Variants in DNAH9 observed in about 807,000 individuals in gnomAD.
The protein encoded by DNAH9 is DNAH9 variant protein.
DNAH9 carries 345 observed loss-of-function variants against 471.6 expected under a neutral mutation model. The ratio of observed to expected loss-of-function variants is 0.73; its 90% CI spans 0.67 to 0.80. The LOEUF (loss-of-function observed/expected upper bound fraction) is 0.80, where lower values mean the gene tolerates loss of function less well. DNAH9 is among the 30% of genes least tolerant of loss of function. DNAH9 has a pLI of 0.00. For missense variants in DNAH9, 5,407 were observed against 5,609.2 expected, an observed-to-expected ratio of 0.96 and a Z score of 1.15; for synonymous variants, 2,093 against 2,123.6, an observed-to-expected ratio of 0.99 and a Z score of 0.40.
intron 22 of DNAH9, among the ~76,000 whole-genome samples, chr17:11,699,066 T>C (rs1211190042): frequency 1.3e-5 from 2 of 151,940 alleles, no homozygotes; most frequent in East Asian, 3.9e-4. Context: ...CTGACTAACA[T>C]GGTGAAACCG....
intron 67 of DNAH9, among the ~76,000 whole-genome samples, chr17:11,957,028 T>G (rs1163347881): frequency 6.6e-6 from 1 of 151,760 alleles, no homozygotes; most frequent in Non-Finnish European, 1.5e-5. Context: ...TTTACCAGAA[T>G]TTATAAGAAA....
Position 11,669,056 on chromosome 17 carries a change from T to C in DNAH9, c.2732-8T>C, listed in dbSNP as rs1223022614. On this transcript the variant is annotated splice_region_variant and splice_polypyrimidine_tract_variant and intron_variant, in intron 15 of 68. Coordinates refer to ENST00000262442, the MANE Select transcript of DNAH9 (RefSeq NM_001372.4). Reference sequence around the variant, plus strand: ...TTGTTTTGTTTGCTTGTTTTCTGTGTTTTTCAGAGTGTAAGGCAGGACTTA... The same window carrying C: ...TTGTTTTGTTTGCTTGTTTTCTGTGCTTTTCAGAGTGTAAGGCAGGACTTA... 6.3e-7 allele frequency: 1 copy of C among 1,592,474 alleles called. No homozygotes were observed. Among genetic ancestry groups the C allele is most frequent in the African/African-American group, 1.4e-5 (1 of 73,752 alleles).
intron 64 of DNAH9, 48 bp from the exon 65 acceptor site, chr17:11,933,832 G>T (rs781173232): frequency 3.2e-6 from 5 of 1,566,612 alleles, no homozygotes; most frequent in African/African-American, 1.4e-5. Context: ...CCCGACGCCT[G>T]TGTGGAGGTC....
Position 11,649,071 on chromosome 17 carries a change from G to A in DNAH9, c.2097+1873G>A, listed in dbSNP as rs2073448662. ...GAACCTAGGAGGCAGTGGTTGCAGT[G>A]AGCCGAGATTGCGCCATTGCACTCC... is the stretch of plus-strand genomic sequence containing the variant. On this transcript the variant is annotated intron_variant, in intron 12 of 68. Transcript: ENST00000262442. Among the ~76,000 whole-genome samples, 3 of 151,092 alleles carry A rather than the reference G, an allele frequency of 2.0e-5. No homozygotes were observed. The South Asian group carries it at 6.3e-4, about 31-fold the overall frequency.
chr17:11,881,503 G>A, intron 55 of DNAH9, 90 bp downstream of exon 55: 1 of 1,357,496 alleles, frequency 7.4e-7, no homozygotes, highest in East Asian at 2.5e-5. Flanking sequence ...TGTTTTTCCT[G>A]GATTGAGTTA....
At chr17:11,602,292 T>A (rs2072403047) in intron 1 of DNAH9, among the ~76,000 whole-genome samples, 2 of 152,146 alleles carry the variant, frequency 1.3e-5, no homozygotes. Context: ...ACACCTGGAA[T>A]AGAGTGTCAC....
intron 6 of DNAH9, among the ~76,000 whole-genome samples, chr17:11,629,030 A>C (rs1250256821): frequency 6.6e-6 from 1 of 151,688 alleles, no homozygotes; most frequent in Admixed American, 6.6e-5. Flanking sequence ...CACCGCCCCC[A>C]TGGTTTCCAA....
intron 49 of DNAH9, among the ~76,000 whole-genome samples, chr17:11,852,183 A>G (rs1256704663): frequency 1.3e-5 from 2 of 152,218 alleles, no homozygotes; most frequent in African/African-American, 4.8e-5. Context: ...TTGTGGATCA[A>G]GAGCACCTCA....
chr17:11,907,170 G>T (rs1410844147), intron 61 of DNAH9, among the ~76,000 whole-genome samples: 3 of 152,142 alleles, frequency 2.0e-5, no homozygotes, highest in Non-Finnish European at 4.4e-5. Flanking sequence ...TTTCTTATCA[G>T]ACTTAAAGAG....
At chr17:11,659,006 T>C (rs1049442782) in intron 14 of DNAH9, among the ~76,000 whole-genome samples, 13 of 152,326 alleles carry the variant, frequency 8.5e-5, no homozygotes, top group African/African-American at 3.1e-4. Flanking sequence ...CCTCATAAAA[T>C]GAGTTGGGAA....
At chr17:11,763,920 A>G (rs1463777952) in intron 36 of DNAH9, among the ~76,000 whole-genome samples, 3 of 152,142 alleles carry the variant, frequency 2.0e-5, no homozygotes, top group Non-Finnish European at 2.9e-5. Flanking sequence ...TATATGCACT[A>G]CTTTGCCAGG....
rs773842478 is a variant in DNAH9, at chr17:11,805,523, CTTTTTTTTTTTTTTTTTTTTTTTTTTTT to C, written c.8421-2194_8421-2167del. ...TATTTGGCCAAACTTTACCCGAGTT[CTTTTTTTTTTTTTTTTTTTTTTTTTTTT>C]TTTTTTTTTTTTTTGAGATGGAGTC... is the stretch of plus-strand genomic sequence containing the variant. On this transcript the variant is annotated intron_variant, in intron 43 of 68. Coordinates refer to ENST00000262442, the MANE Select transcript of DNAH9 (RefSeq NM_001372.4). Among the ~76,000 whole-genome samples the C allele has an allele frequency of 1.5e-4, 8 of 52,092 alleles. No homozygotes were observed. In the South Asian group the frequency reaches 2.5e-3, roughly 16 times the overall value. The allele number at this position is 52,092 out of a possible 152,430, so 34.2% of individuals were successfully genotyped here.
chr17:11,716,823 G>T lies in DNAH9; in HGVS notation c.5553-2511G>T, dbSNP rs367706859. On this transcript the variant is annotated intron_variant, in intron 26 of 68. Transcript: ENST00000262442. ...TGAGAGGGAAGGAAGGTGATGAGGT[G>T]AGTTGTCAGGGATTGAAGACTCTGC... 5.3e-5 allele frequency among the ~76,000 whole-genome samples: 8 copies of T among 152,178 alleles called. No homozygotes were observed. The East Asian group carries it at 1.5e-3, about 29-fold the overall frequency.
chr17:11,860,405 G>A (rs918256313), intron 50 of DNAH9, among the ~76,000 whole-genome samples: 4 of 152,166 alleles, frequency 2.6e-5, no homozygotes, highest in Admixed American at 2.0e-4. Flanking sequence ...AAATGTTAAG[G>A]AAGAGGTAAA....
intron 8 of DNAH9, among the ~76,000 whole-genome samples, 155 bp from the exon 9 acceptor site, chr17:11,636,479 C>T (rs2073168917): frequency 6.6e-6 from 1 of 152,192 alleles, no homozygotes; most frequent in African/African-American, 2.4e-5. Context: ...ATATCATCCA[C>T]ATATGAATAA....
intron 38 of DNAH9, among the ~76,000 whole-genome samples, chr17:11,771,221 C>T (rs113392310): frequency 0.1 from 15,516 of 152,090 alleles, 863 homozygotes; most frequent in African/African-American, 0.11. Flanking sequence ...CTCTGCCTCC[C>T]GGGTTCAAGC....
At chr17:11,942,568 G>A in intron 67 of DNAH9, 83 bp downstream of exon 67, 2 of 1,428,732 alleles carry the variant, frequency 1.4e-6, no homozygotes, top group Non-Finnish European at 1.9e-6. Context: ...AGCACTGGGG[G>A]ACCTGAAAGC....
At chr17:11,710,095 T>C (rs1440532163) in intron 26 of DNAH9, among the ~76,000 whole-genome samples, 1 of 152,200 alleles carries the variant, frequency 6.6e-6, no homozygotes, top group Non-Finnish European at 1.5e-5. Context: ...TTTGTTTCAT[T>C]CTACATGTAG....
intron 43 of DNAH9, among the ~76,000 whole-genome samples, chr17:11,806,789 G>A (rs769865674): frequency 2.4e-4 from 36 of 152,224 alleles, no homozygotes; most frequent in Middle Eastern, 3.4e-3. Flanking sequence ...TGTATTGTAC[G>A]CATTTTGTAC....
Sources: gnomAD v4.1 joint callset for allele counts (sites outside exome capture counted in the v4.1 genomes callset) on GRCh38, gnomAD v4.1.1 for gene constraint, MANE v1.5 for transcripts, NCBI Gene and HGNC (gene_info 2026-07-23, HGNC 2026-07-21) for gene names.